The following NRG2 variants were observed in gnomAD, a reference collection of about 807,000 sequenced individuals.
The protein encoded by NRG2 is neuregulin 2.
A neutral mutation model predicts 73.9 loss-of-function variants in NRG2; 27 were observed. The ratio of observed to expected loss-of-function variants is 0.37; its 90% CI spans 0.27 to 0.50. The LOEUF (loss-of-function observed/expected upper bound fraction) is 0.50. Among genes scored for constraint, NRG2 ranks in the 20% least tolerant of loss-of-function variants. The probability of loss-of-function intolerance (pLI) is 0.96; values close to 1 mark genes in which losing one functional copy is unlikely to be tolerated. For synonymous variants in NRG2, 532 were observed against 541.0 expected, an observed-to-expected ratio of 0.98 and a Z score of 0.23; for missense variants, 1,126 against 1,210.1, an observed-to-expected ratio of 0.93 and a Z score of 1.03.
intron 1 of NRG2, among the ~76,000 whole-genome samples, chr5:139,945,630 AT>A (rs979210924): frequency 1.3e-5 from 2 of 151,720 alleles, no homozygotes; most frequent in South Asian, 2.1e-4. Context: ...AAATTTTAGG[AT>A]TTTTTTTCCT....
intron 1 of NRG2, among the ~76,000 whole-genome samples, chr5:140,007,058 T>A (rs2126635974): frequency 6.6e-6 from 1 of 152,254 alleles, no homozygotes; most frequent in Middle Eastern, 3.4e-3. Context: ...TTTAGAGACA[T>A]TTTTGTTTGT....
chr5:139,951,498 C>T (rs1452343486), intron 1 of NRG2, among the ~76,000 whole-genome samples: 1 of 152,132 alleles, frequency 6.6e-6, no homozygotes, highest in Non-Finnish European at 1.5e-5. Context: ...CCCTGGAAGG[C>T]CCTTGGAATA....
chr5:139,864,756 GCACACACA>G (rs111734532), intron 5 of NRG2, among the ~76,000 whole-genome samples: 1 of 148,778 alleles, frequency 6.7e-6, no homozygotes, highest in Admixed American at 6.7e-5. Context: ...AAACACGTCG[GCACACACA>G]CACACACACA....
intron 1 of NRG2, among the ~76,000 whole-genome samples, chr5:139,986,053 C>T (rs1297922786): frequency 6.6e-6 from 1 of 152,164 alleles, no homozygotes; most frequent in Non-Finnish European, 1.5e-5. Context: ...AACATAGTCA[C>T]ATGTTTACCC....
chr5:140,022,620 A>G (rs1299046137), intron 1 of NRG2, among the ~76,000 whole-genome samples: 1 of 152,190 alleles, frequency 6.6e-6, no homozygotes, highest in East Asian at 1.9e-4. Context: ...CTCTCCTATT[A>G]CAGCTTTGTG....
chr5:139,890,476 T>TC (rs1486808970), intron 1 of NRG2, among the ~76,000 whole-genome samples: 123 of 89,834 alleles, frequency 1.4e-3, no homozygotes, highest in Middle Eastern at 0.013. Flanking sequence ...TTTCTTTCTT[T>TC]TTTTTTTTTT....
intron 5 of NRG2, among the ~76,000 whole-genome samples, chr5:139,857,346 G>T (rs1761870923): frequency 6.6e-6 from 1 of 152,090 alleles, no homozygotes; most frequent in African/African-American, 2.4e-5. Flanking sequence ...TTTATGTCCT[G>T]CCCTGACTGC....
At chr5:139,956,278 G>A (rs2126483307) in intron 1 of NRG2, among the ~76,000 whole-genome samples, 1 of 152,186 alleles carries the variant, frequency 6.6e-6, no homozygotes, top group South Asian at 2.1e-4. Context: ...AGTCAGGTCA[G>A]GAGGCTCCGA....
chr5:139,952,314 T>C (rs1754269290), intron 1 of NRG2, among the ~76,000 whole-genome samples: 1 of 152,112 alleles, frequency 6.6e-6, no homozygotes, highest in Non-Finnish European at 1.5e-5. Context: ...GTACCTTTTG[T>C]CCTTTAAACT....
chr5:140,028,811 G>A (rs79731605), intron 1 of NRG2, among the ~76,000 whole-genome samples: 11,552 of 152,132 alleles, frequency 0.076, 502 homozygotes, highest in South Asian at 0.1. Flanking sequence ...CTAACAAGCA[G>A]AGTGTGGTGG....
At chr5:139,854,638 G>A (rs1761700159) in intron 6 of NRG2, among the ~76,000 whole-genome samples, 1 of 152,218 alleles carries the variant, frequency 6.6e-6, no homozygotes, top group African/African-American at 2.4e-5. Flanking sequence ...TCAAGACAAG[G>A]CCAGCAGGAC....
chr5:139,864,385 C>CTTCT (rs1427322606), intron 5 of NRG2, among the ~76,000 whole-genome samples: 14 of 134,602 alleles, frequency 1.0e-4, no homozygotes, highest in East Asian at 6.3e-4. Context: ...TCTTCTTCTT[C>CTTCT]TTTTTTTTTT....
intron 4 of NRG2, among the ~76,000 whole-genome samples, chr5:139,866,137 C>T (rs1762453442): frequency 6.6e-6 from 1 of 152,182 alleles, no homozygotes; most frequent in South Asian, 2.1e-4. Context: ...CTCGGGAATG[C>T]TGTTCCCAGA....
At chr5:139,945,192 C>A (rs1753716782) in intron 1 of NRG2, among the ~76,000 whole-genome samples, 1 of 152,034 alleles carries the variant, frequency 6.6e-6, no homozygotes, top group Admixed American at 6.6e-5. Flanking sequence ...TATTTTCTTC[C>A]ATTCTATAGG....
At chr5:139,930,619 T>C (rs1214944113) in intron 1 of NRG2, among the ~76,000 whole-genome samples, 2 of 152,204 alleles carry the variant, frequency 1.3e-5, no homozygotes, top group Non-Finnish European at 2.9e-5. Flanking sequence ...GCATGCCTCA[T>C]TGGCTTCTAG....
intron 9 of NRG2, 51 bp from the exon 10 acceptor site, chr5:139,848,748 G>T: frequency 9.1e-7 from 1 of 1,099,836 alleles, no homozygotes; most frequent in Non-Finnish European, 1.2e-6. Context: ...GCCGGCGCGG[G>T]GGAGGGGGGG....
Position 139,847,999 on chromosome 5 carries a change from A to G in NRG2, c.2471T>C (p.Leu824Pro). Residue 824 changes from leucine (L) to proline (P), a missense_variant, in exon 10 of 10, where the codon CTG (leucine) becomes CCG (proline). By Grantham distance (98) the Leu-to-Pro change is moderately conservative. This residue lies in a region of NRG2 where 402 missense variants were observed against 357.8 expected (regional missense o/e 1.12). Coordinates refer to ENST00000361474, the MANE Select transcript of NRG2 (RefSeq NM_004883.3). ...GCTGGCCCGCGTGCTGTGGCTGTCC[A>G]GTGAGTAGTAAGTCCTGCTGTCGGC... ...PAADSRTYYSLDSHSTRASSR... is the reference protein window; with the variant it reads ...PAADSRTYYSPDSHSTRASSR... 1 of 1,514,682 alleles carries G rather than the reference A, an allele frequency of 6.6e-7. No individual in the cohort carries two copies. Among genetic ancestry groups the G allele is most frequent in the Non-Finnish European group, 8.8e-7 (1 of 1,135,836 alleles). 93.8% of individuals were successfully genotyped at this position (1,514,682 alleles called of 1,614,324 possible). A position where few individuals can be genotyped will look rare whatever the true frequency, so the allele number is the denominator to read the frequency against.
chr5:139,904,627 G>T lies in NRG2; in HGVS notation c.701-17116C>A, dbSNP rs1435625569. On this transcript the variant is annotated intron_variant, in intron 1 of 9. Coordinates refer to ENST00000361474, the MANE Select transcript of NRG2 (RefSeq NM_004883.3). The surrounding 1 kb of genome is among the most constrained non-coding windows in gnomAD (Gnocchi z 6.0). ...GTGTGGGCGGCCGGTCTGGGCCCTA[G>T]GCCCCCTCCCTGGGCCCACCGAGGT... Among the ~76,000 whole-genome samples, 1 of 152,124 alleles carries T rather than the reference G, an allele frequency of 6.6e-6. No homozygotes were observed. Among genetic ancestry groups the T allele is most frequent in the Non-Finnish European group, 1.5e-5 (1 of 67,988 alleles).
In NRG2 at chr5:139,848,700, G is replaced by GT; in HGVS notation, c.1773-4_1773-3insA. On this transcript the variant is annotated splice_region_variant and splice_polypyrimidine_tract_variant and intron_variant, in intron 9 of 9. Coordinates refer to ENST00000361474, the MANE Select transcript of NRG2 (RefSeq NM_004883.3). ...GCGTGGTCAGGGCCGACACGTACCT[G>GT]CGGGGAGAGGCAGAGGCATGGGCCA... is the stretch of plus-strand genomic sequence containing the variant. The GT allele has an allele frequency of 6.6e-7, 1 of 1,517,212 alleles. No individual in the cohort carries two copies. The highest frequency in any genetic ancestry group is 2.8e-5 in the East Asian group (1 of 36,154). The allele number at this position is 1,517,212 out of a possible 1,614,324, so 94.0% of individuals were successfully genotyped here.
Sources: allele counts gnomAD v4.1 joint callset (sites outside exome capture counted in the v4.1 genomes callset), GRCh38; gene constraint gnomAD v4.1.1; regional missense constraint gnomAD v4.1.1; non-coding constraint Gnocchi (gnomAD v3.1); transcripts MANE v1.5; gene names NCBI Gene and HGNC (gene_info 2026-07-23, HGNC 2026-07-21).